The following SHISA6 variants were observed in gnomAD, a reference collection of about 807,000 sequenced individuals.
SHISA6 encodes the protein shisa family member 6.
A neutral mutation model predicts 47.9 loss-of-function variants in SHISA6; 22 were observed. The observed-to-expected ratio is 0.46, with a 90% confidence interval of 0.33 to 0.66. SHISA6 has a LOEUF of 0.66. Among genes scored for constraint, SHISA6 ranks in the 30% least tolerant of loss-of-function variants. The pLI, the probability that SHISA6 is intolerant of heterozygous loss-of-function variation, is 0.02. For missense variants in SHISA6, 680 were observed against 764.6 expected, an observed-to-expected ratio of 0.89 and a Z score of 1.30; for synonymous variants, 388 against 337.8, an observed-to-expected ratio of 1.15 and a Z score of -1.63.
chr17:11,330,563 T>C (rs1911065438), intron 2 of SHISA6, among the ~76,000 whole-genome samples: 2 of 152,074 alleles, frequency 1.3e-5, no homozygotes, highest in South Asian at 4.2e-4. Flanking sequence ...TAAACCTGTT[T>C]CTAAAGAAAA....
chr17:11,286,292 C>T lies in SHISA6; in HGVS notation c.799+22766C>T, dbSNP rs554936737. Among the ~76,000 whole-genome samples, 113 of 152,312 alleles carry T rather than the reference C, an allele frequency of 7.4e-4. 1 individual carries two copies. Among genetic ancestry groups the T allele is most frequent in the Middle Eastern group, 3.4e-3 (1 of 294 alleles). On this transcript the variant is annotated intron_variant, in intron 2 of 5. Coordinates refer to ENST00000441885, the MANE Select transcript of SHISA6 (RefSeq NM_207386.4). ...AAGATTCAGGAACAGATTCAAAGGG[C>T]ACACATCCACATATCCTGGGCTTAC... is the stretch of plus-strand genomic sequence containing the variant.
In SHISA6 at chr17:11,263,480, C is replaced by T. The variant is rs1214027500; in HGVS notation, c.753C>T (p.Ser251=). ...AAGAGAACACGCCGGTCAGATCGTC[C>T]TCCAAAAACCACTACACTCCTGTGC... ...SPKENTPVRS[S]SKNHYTPVRT... is the part of the protein sequence containing the mutation. Residue 251 remains serine (S), a synonymous_variant, in exon 2 of 6, where the codon TCC becomes TCT. Transcript: ENST00000441885. The T allele has an allele frequency of 6.4e-7, 1 of 1,551,600 alleles. No individual in the cohort carries two copies. Among genetic ancestry groups the T allele is most frequent in the Non-Finnish European group, 8.7e-7 (1 of 1,146,998 alleles).
At chr17:11,398,008 A>G (rs1181326042) in intron 3 of SHISA6, among the ~76,000 whole-genome samples, 3 of 151,472 alleles carry the variant, frequency 2.0e-5, no homozygotes, top group African/African-American at 7.3e-5. Flanking sequence ...TAATTTTTGA[A>G]TTTCTGTTTT....
At chr17:11,425,985 A>G (rs1329762423) in intron 3 of SHISA6, among the ~76,000 whole-genome samples, 2 of 152,204 alleles carry the variant, frequency 1.3e-5, no homozygotes, top group Non-Finnish European at 2.9e-5. Context: ...AGCCTTGAAC[A>G]TGCTCCCACT....
At position 11,558,368 on chromosome 17, in the gene SHISA6, G is replaced by A. The variant is rs978059729; in HGVS notation, c.*64G>A. On this transcript the variant is annotated 3_prime_UTR_variant, in exon 6 of 6. Coordinates refer to ENST00000441885, the MANE Select transcript of SHISA6 (RefSeq NM_207386.4). ...CAGAGCGGGGGCCGGGAGGGGCCAG[G>A]AGCAGAGCTTCTAGCCTTGCCACTC... The A allele has an allele frequency of 1.4e-5, 20 of 1,469,258 alleles. 1 individual carries two copies. The highest frequency in any genetic ancestry group is 1.8e-5 in the Non-Finnish European group (20 of 1,099,114). The allele number at this position is 1,469,258 out of a possible 1,614,324, so 91.0% of individuals were successfully genotyped here.
At chr17:11,473,879 G>A (rs1915988121) in intron 3 of SHISA6, among the ~76,000 whole-genome samples, 1 of 151,976 alleles carries the variant, frequency 6.6e-6, no homozygotes, top group Non-Finnish European at 1.5e-5. Flanking sequence ...ACATACATTA[G>A]GTATTTGTCC....
chr17:11,311,299 AAC>A (rs1156668750), intron 2 of SHISA6, among the ~76,000 whole-genome samples: 1 of 45,766 alleles, frequency 2.2e-5, no homozygotes, highest in Non-Finnish European at 4.5e-5. Context: ...AAAAAAAAAA[AAC>A]CGACAAACAA....
intron 2 of SHISA6, among the ~76,000 whole-genome samples, chr17:11,271,877 C>T (rs956293739): frequency 2.0e-5 from 3 of 152,128 alleles, no homozygotes; most frequent in African/African-American, 7.2e-5. Flanking sequence ...CACCCTTCCC[C>T]TCCTGCGCCC....
chr17:11,303,092 G>T (rs1388858199), intron 2 of SHISA6, among the ~76,000 whole-genome samples: 1 of 152,190 alleles, frequency 6.6e-6, no homozygotes, highest in African/African-American at 2.4e-5. Context: ...GTGCTTGTAT[G>T]ATTGTGTGAT....
At chr17:11,286,737 G>A (rs1229319355) in intron 2 of SHISA6, among the ~76,000 whole-genome samples, 3 of 152,118 alleles carry the variant, frequency 2.0e-5, no homozygotes, top group Non-Finnish European at 4.4e-5. Flanking sequence ...GACCTTATAG[G>A]ACCCCAGGAT....
chr17:11,388,837 TA>T (rs2142253769), intron 3 of SHISA6, among the ~76,000 whole-genome samples: 1 of 92,048 alleles, frequency 1.1e-5, no homozygotes, highest in Admixed American at 1.1e-4. Flanking sequence ...TATATATATA[TA>T]TATTTTAAAA....
chr17:11,308,898 A>T (rs1462980124), intron 2 of SHISA6, among the ~76,000 whole-genome samples: 3 of 152,226 alleles, frequency 2.0e-5, no homozygotes, highest in Admixed American at 1.3e-4. Flanking sequence ...TCTCAGTTTC[A>T]TACTTTCACC....
In SHISA6 at chr17:11,559,063, C is replaced by T. The variant is rs1365399699; in HGVS notation, c.*759C>T. On this transcript the variant is annotated 3_prime_UTR_variant, in exon 6 of 6. Transcript: ENST00000441885. The surrounding 1 kb of genome is among the most constrained non-coding windows in gnomAD (Gnocchi z 4.4). ...CGCCCATAAGGACCCTGGGCCTGTC[C>T]TTTCAGCGGGCTGTGCTCCTTCCCT... is the stretch of plus-strand genomic sequence containing the variant. 1 of 152,994 alleles carries T rather than the reference C, an allele frequency of 6.5e-6. No individual in the cohort carries two copies. The highest frequency in any genetic ancestry group is 1.9e-4 in the East Asian group (1 of 5,188). The allele number at this position is 152,994 out of a possible 1,614,324, so 9.5% of individuals were successfully genotyped here. A position where few individuals can be genotyped will look rare whatever the true frequency, so the allele number is the denominator to read the frequency against.
At chr17:11,479,195 G>A (rs1243180935) in intron 3 of SHISA6, among the ~76,000 whole-genome samples, 1 of 151,898 alleles carries the variant, frequency 6.6e-6, no homozygotes, top group African/African-American at 2.4e-5. Context: ...CCGAAATAGC[G>A]CCATTGCACT....
At chr17:11,359,513 C>T (rs1912193184) in intron 2 of SHISA6, among the ~76,000 whole-genome samples, 1 of 152,158 alleles carries the variant, frequency 6.6e-6, no homozygotes, top group Non-Finnish European at 1.5e-5. Flanking sequence ...TCTCTCTGGA[C>T]CAGGTTTTTT....
chr17:11,475,074 T>C (rs1433779482), intron 3 of SHISA6, among the ~76,000 whole-genome samples: 1 of 152,174 alleles, frequency 6.6e-6, no homozygotes, highest in Non-Finnish European at 1.5e-5. Context: ...GATTTATACC[T>C]AAGTATTTCA....
At chr17:11,426,483 T>C (rs1157898174) in intron 3 of SHISA6, among the ~76,000 whole-genome samples, 2 of 152,202 alleles carry the variant, frequency 1.3e-5, no homozygotes, top group Non-Finnish European at 2.9e-5. Context: ...TAAAGCATGA[T>C]GTCTTAGCAA....
chr17:11,424,126 G>T (rs943712224), intron 3 of SHISA6, among the ~76,000 whole-genome samples: 3 of 152,256 alleles, frequency 2.0e-5, no homozygotes, highest in South Asian at 4.2e-4. Context: ...GGAAGAAACA[G>T]TCTTTAAATA....
chr17:11,518,798 A>T (rs1342240148), intron 3 of SHISA6, among the ~76,000 whole-genome samples: 1 of 152,192 alleles, frequency 6.6e-6, no homozygotes, highest in Admixed American at 6.5e-5. Context: ...TGCAGCCAAG[A>T]CAGAGAAACA....
Sources: allele counts gnomAD v4.1 joint callset (sites outside exome capture counted in the v4.1 genomes callset), GRCh38; gene constraint gnomAD v4.1.1; non-coding constraint Gnocchi (gnomAD v3.1); transcripts MANE v1.5; gene names NCBI Gene and HGNC (gene_info 2026-07-23, HGNC 2026-07-21).